Variants in MAN2A1 observed in about 807,000 individuals in gnomAD.
MAN2A1 encodes the protein alpha-mannosidase 2.
Under a neutral mutation model 142.6 loss-of-function variants are expected in MAN2A1, and 76 were observed. That is an observed-to-expected ratio of 0.53 (90% CI 0.44 to 0.65). MAN2A1 has a LOEUF of 0.65. MAN2A1 is among the 30% of genes least tolerant of loss of function. MAN2A1 has a pLI of 0.00. For synonymous variants in MAN2A1, 559 were observed against 473.2 expected, an observed-to-expected ratio of 1.18 and a Z score of -2.35; for missense variants, 1,311 against 1,365.1, an observed-to-expected ratio of 0.96 and a Z score of 0.62.
chr5:109,854,511 A>G (rs1026550390), intron 19 of MAN2A1: 1 of 152,202 alleles, frequency 6.6e-6, no homozygotes, highest in African/African-American at 2.4e-5. Flanking sequence ...ACAATTGGCA[A>G]TGATTTACCA....
chr5:109,700,924 T>C (rs1366299825), intron 1 of MAN2A1, among the ~76,000 whole-genome samples: 2 of 152,230 alleles, frequency 1.3e-5, no homozygotes, highest in Middle Eastern at 3.2e-3. Flanking sequence ...AAGAACTTTT[T>C]AGTTATTTAG....
At chr5:109,793,200 A>G (rs749544623) in intron 12 of MAN2A1, among the ~76,000 whole-genome samples, 2 of 151,998 alleles carry the variant, frequency 1.3e-5, no homozygotes, top group African/African-American at 4.8e-5. Flanking sequence ...AAGATGTCCA[A>G]AGTCTCATCC....
At chr5:109,720,179 A>C (rs115771702) in intron 3 of MAN2A1, among the ~76,000 whole-genome samples, 6,755 of 152,252 alleles carry the variant, frequency 0.044, 191 homozygotes, top group South Asian at 0.099. Context: ...AGGTATACTA[A>C]ATGAAAGATT....
At chr5:109,817,188 A>G (rs1754485406) in intron 12 of MAN2A1, 85 bp from the exon 13 acceptor site, 6 of 1,132,062 alleles carry the variant, frequency 5.3e-6, no homozygotes, top group Admixed American at 2.0e-5. Context: ...GTATATGTAT[A>G]TGTATATGTA....
chr5:109,800,044 C>T (rs1285076288), intron 12 of MAN2A1, among the ~76,000 whole-genome samples: 3 of 148,822 alleles, frequency 2.0e-5, no homozygotes, highest in East Asian at 2.0e-4. Context: ...GTCAAGATTG[C>T]GCCACTGCAC....
intron 12 of MAN2A1, among the ~76,000 whole-genome samples, chr5:109,804,837 T>G (rs915148131): frequency 6.6e-6 from 1 of 152,214 alleles, no homozygotes; most frequent in African/African-American, 2.4e-5. Context: ...TTGCCATTTC[T>G]GTCCTTAACA....
chr5:109,714,176 A>C (rs1352105170), intron 2 of MAN2A1, among the ~76,000 whole-genome samples: 1 of 119,144 alleles, frequency 8.4e-6, no homozygotes, highest in Admixed American at 8.1e-5. Context: ...GTAAGGTTAG[A>C]CTTTTTTTTT....
chr5:109,841,037 C>T (rs535654594), intron 16 of MAN2A1, among the ~76,000 whole-genome samples: 20 of 152,210 alleles, frequency 1.3e-4, no homozygotes, highest in African/African-American at 4.8e-4. Context: ...CTTTCTGAAC[C>T]TCAGAAAGCG....
intron 6 of MAN2A1, 22 bp from the exon 7 acceptor site, chr5:109,770,333 G>A: frequency 6.2e-7 from 1 of 1,601,382 alleles, no homozygotes; most frequent in Non-Finnish European, 8.5e-7. Flanking sequence ...ATGCAGGTTT[G>A]TGTGTTGGCT....
intron 5 of MAN2A1, among the ~76,000 whole-genome samples, chr5:109,765,435 A>G (rs1213676393): frequency 1.3e-5 from 2 of 152,098 alleles, no homozygotes; most frequent in Admixed American, 6.5e-5. Flanking sequence ...GTGATGTCCC[A>G]TTGTCCTCAC....
At position 109,690,469 on chromosome 5, in the gene MAN2A1, G is replaced by A; in HGVS notation, c.52G>A (p.Val18Met). 2.5e-6 allele frequency: 4 copies of A among 1,614,054 alleles called. No individual in the cohort carries two copies. Among genetic ancestry groups the A allele is most frequent in the Non-Finnish European group, 3.4e-6 (4 of 1,179,946 alleles). ...GTTCGGCAGTGCGATCTTCTGTGTG[G>A]TGATTTTCTCGCTCTACCTGATGCT... ...TVFGSAIFCV[V>M]IFSLYLMLDR... is the part of the protein sequence containing the mutation. Residue 18 changes from valine (V) to methionine (M), a missense_variant, in exon 1 of 22, where the codon GTG (valine) becomes ATG (methionine). Transcript: ENST00000261483.
chr5:109,712,758 T>C (rs1458213369), intron 1 of MAN2A1, among the ~76,000 whole-genome samples: 3 of 152,212 alleles, frequency 2.0e-5, no homozygotes, highest in Non-Finnish European at 4.4e-5. Flanking sequence ...TTGTTGAGTT[T>C]CAGAAATATG....
chr5:109,723,945 A>G (rs1220054429), intron 3 of MAN2A1, among the ~76,000 whole-genome samples: 1 of 151,970 alleles, frequency 6.6e-6, no homozygotes, highest in Admixed American at 6.6e-5. Context: ...ATCTGTTTTC[A>G]TTTAGCTTTA....
intron 5 of MAN2A1, among the ~76,000 whole-genome samples, chr5:109,758,584 A>T (rs1033257742): frequency 5.3e-5 from 8 of 150,982 alleles, no homozygotes; most frequent in Non-Finnish European, 1.2e-4. Flanking sequence ...TTTAATCCTG[A>T]ATTATAAAGA....
intron 8 of MAN2A1, among the ~76,000 whole-genome samples, chr5:109,775,733 A>G (rs550457396): frequency 1.3e-5 from 2 of 152,272 alleles, no homozygotes; most frequent in South Asian, 2.1e-4. Context: ...CTGTTTAAAA[A>G]TATAACGATA....
chr5:109,847,853 T>G, intron 19 of MAN2A1, 63 bp downstream of exon 19: 3 of 1,261,416 alleles, frequency 2.4e-6, no homozygotes, highest in South Asian at 4.9e-5. Context: ...AACTTGAAAT[T>G]ATGACTTTCC....
chr5:109,770,141 G>A (rs1753103940), intron 6 of MAN2A1, among the ~76,000 whole-genome samples: 1 of 152,172 alleles, frequency 6.6e-6, no homozygotes, highest in African/African-American at 2.4e-5. Flanking sequence ...TGCTTAGATA[G>A]AAGAGGTAGA....
In MAN2A1 at chr5:109,852,194, T is replaced by A. The variant is rs114006426; in HGVS notation, c.2977-2946T>A. On this transcript the variant is annotated intron_variant, in intron 19 of 21. Transcript: ENST00000261483. ...CATACAGACCTACCAAAATGTGTGA[T>A]CTACAAATCTGCCCCACAGTCTTCA... Among the ~76,000 whole-genome samples, 1,202 of 152,078 alleles carry A rather than the reference T, an allele frequency of 7.9e-3. 21 individuals are homozygous for A. The highest frequency in any genetic ancestry group is 0.027 in the African/African-American group (1,132 of 41,494).
chr5:109,812,966 A>C (rs1754357746), intron 12 of MAN2A1, among the ~76,000 whole-genome samples: 2 of 152,326 alleles, frequency 1.3e-5, no homozygotes, highest in South Asian at 4.1e-4. Context: ...TGTTTGCTTA[A>C]CTGATTTTAA....
Sources: allele counts gnomAD v4.1 joint callset (sites outside exome capture counted in the v4.1 genomes callset), GRCh38; gene constraint gnomAD v4.1.1; transcripts MANE v1.5; gene names NCBI Gene and HGNC (gene_info 2026-07-23, HGNC 2026-07-21).